Variants in SYT14 observed in about 807,000 individuals in gnomAD.
SYT14 encodes the protein synaptotagmin-14.
In SYT14, 32 loss-of-function variants were observed where a neutral mutation model predicts 74.2. The ratio of observed to expected loss-of-function variants is 0.43; its 90% CI spans 0.33 to 0.58. The LOEUF (loss-of-function observed/expected upper bound fraction) is 0.58. Among genes scored for constraint, SYT14 ranks in the 20% least tolerant of loss-of-function variants. The probability of loss-of-function intolerance (pLI) is 0.05; values close to 1 mark genes in which losing one functional copy is unlikely to be tolerated. For missense variants in SYT14, 791 were observed against 981.8 expected (o/e 0.81, Z 2.60); for synonymous variants, 298 against 337.7 (o/e 0.88, Z 1.29).
At chr1:210,055,897 T>C (rs1199539145) in intron 5 of SYT14, among the ~76,000 whole-genome samples, 1 of 152,186 alleles carries the variant, frequency 6.6e-6, no homozygotes, top group East Asian at 1.9e-4. Context: ...AGTTCACCTT[T>C]AACCATTTAG....
At chr1:210,078,653 C>A (rs964818135) in intron 5 of SYT14, among the ~76,000 whole-genome samples, 5 of 151,898 alleles carry the variant, frequency 3.3e-5, no homozygotes, top group African/African-American at 1.2e-4. Flanking sequence ...ACAAAAAAGT[C>A]ATGAAAACAT....
At chr1:210,037,744 T>C (rs996406787) in intron 5 of SYT14, among the ~76,000 whole-genome samples, 2 of 152,090 alleles carry the variant, frequency 1.3e-5, no homozygotes, top group African/African-American at 4.8e-5. Flanking sequence ...TTGTATAGTT[T>C]TGAGCATTCC....
At chr1:210,004,348 T>C (rs2079952837) in intron 2 of SYT14, among the ~76,000 whole-genome samples, 2 of 152,084 alleles carry the variant, frequency 1.3e-5, no homozygotes, top group Admixed American at 1.3e-4. Flanking sequence ...AATGAACATA[T>C]TCTCAATTCC....
chr1:210,005,881 T>C (rs1017944370), intron 2 of SYT14, among the ~76,000 whole-genome samples: 2 of 151,944 alleles, frequency 1.3e-5, no homozygotes, highest in African/African-American at 4.8e-5. Context: ...GGTTTTCTTT[T>C]TTTTCTAATT....
chr1:210,112,802 C>T (rs2082288505), intron 7 of SYT14, among the ~76,000 whole-genome samples: 1 of 151,206 alleles, frequency 6.6e-6, no homozygotes, highest in Non-Finnish European at 1.5e-5. Flanking sequence ...TATATAACAG[C>T]ATGGTGGTGC....
At chr1:210,103,614 TGCATGATAG>T (rs2082110772) in intron 7 of SYT14, among the ~76,000 whole-genome samples, 1 of 150,570 alleles carries the variant, frequency 6.6e-6, no homozygotes, top group Non-Finnish European at 1.5e-5. Context: ...TCTTGATCAA[TGCATGATAG>T]AAAATATACT....
intron 7 of SYT14, among the ~76,000 whole-genome samples, chr1:210,138,668 C>G (rs1186108879): frequency 1.3e-5 from 2 of 152,066 alleles, no homozygotes; most frequent in African/African-American, 4.8e-5. Flanking sequence ...ACTGCTTTTT[C>G]TATATTTAAA....
At chr1:210,156,234 A>G (rs1456738791) in intron 8 of SYT14, among the ~76,000 whole-genome samples, 4 of 152,246 alleles carry the variant, frequency 2.6e-5, no homozygotes, top group South Asian at 2.1e-4. Flanking sequence ...ATGAACAGGA[A>G]TGTATATAGC....
intron 7 of SYT14, among the ~76,000 whole-genome samples, chr1:210,142,443 C>A (rs569531589): frequency 6.6e-6 from 1 of 152,104 alleles, no homozygotes; most frequent in Non-Finnish European, 1.5e-5. Flanking sequence ...GAGGAGCAGA[C>A]TTTCAGAGGT....
At chr1:210,155,667 C>G in intron 7 of SYT14, 54 bp from the exon 7 acceptor site, 1 of 1,567,024 alleles carries the variant, frequency 6.4e-7, no homozygotes, top group Non-Finnish European at 8.8e-7. Flanking sequence ...AACAATATAT[C>G]TCTTAATATA....
At chr1:210,070,587 T>G (rs1372315956) in intron 5 of SYT14, among the ~76,000 whole-genome samples, 2 of 152,136 alleles carry the variant, frequency 1.3e-5, no homozygotes, top group African/African-American at 4.8e-5. Flanking sequence ...AATTAGGCTT[T>G]CTTCTCAAGG....
intron 7 of SYT14, among the ~76,000 whole-genome samples, chr1:210,126,268 C>T (rs1444645113): frequency 6.6e-6 from 1 of 151,426 alleles, no homozygotes; most frequent in Non-Finnish European, 1.5e-5. Context: ...CTTCCGTGTA[C>T]TGGGTGCAAT....
chr1:210,049,826 G>A (rs1054231123), intron 5 of SYT14, among the ~76,000 whole-genome samples: 9 of 152,130 alleles, frequency 5.9e-5, no homozygotes, highest in South Asian at 2.1e-4. Context: ...TTTCAGCCAC[G>A]GATGGAGCAG....
In SYT14 at chr1:209,938,294, A is replaced by G. The variant is rs1330503214; in HGVS notation, c.-534+17A>G. 3 of 1,553,984 alleles carry G rather than the reference A, an allele frequency of 1.9e-6. No homozygotes were observed. The highest frequency in any genetic ancestry group is 2.6e-6 in the Non-Finnish European group (3 of 1,146,252). ...CGATTGAAGGTAAGTGGAGGCTGAC[A>G]GCGGGGAGCGAGGACCGGGACCACC... On this transcript the variant is annotated intron_variant, in intron 1 of 9. Transcript: ENST00000637265.
At chr1:210,113,061 C>T (rs1022423765) in intron 7 of SYT14, among the ~76,000 whole-genome samples, 3 of 151,420 alleles carry the variant, frequency 2.0e-5, no homozygotes, top group Non-Finnish European at 2.9e-5. Context: ...CCGCCGCACG[C>T]AGACATGAGA....
intron 2 of SYT14, among the ~76,000 whole-genome samples, chr1:209,970,767 C>T (rs1415826668): frequency 2.1e-5 from 3 of 142,376 alleles, no homozygotes; most frequent in Admixed American, 7.6e-5. Context: ...CTGCAACCTC[C>T]GCCTCCCAGG....
At chr1:210,164,899 A>G (rs2083440041) in exon 10 of SYT14, 1 of 152,128 alleles carries the variant, frequency 6.6e-6, no homozygotes, top group Non-Finnish European at 1.5e-5. Flanking sequence ...ATTGTCAACC[A>G]TATTTAATAT....
intron 5 of SYT14, among the ~76,000 whole-genome samples, chr1:210,083,508 G>T (rs946768946): frequency 1.6e-4 from 24 of 152,070 alleles, no homozygotes; most frequent in Non-Finnish European, 3.2e-4. Flanking sequence ...AATCTCCTGG[G>T]CTCAAACGAT....
chr1:209,978,082 G>A (rs1304317625), intron 2 of SYT14, among the ~76,000 whole-genome samples: 1 of 151,918 alleles, frequency 6.6e-6, no homozygotes, highest in East Asian at 1.9e-4. Flanking sequence ...CTCTTTGCAT[G>A]GGTTATTCTA....
Sources: gnomAD v4.1 joint callset for allele counts (sites outside exome capture counted in the v4.1 genomes callset) on GRCh38, gnomAD v4.1.1 for gene constraint, MANE v1.5 for transcripts, NCBI Gene and HGNC (gene_info 2026-07-23, HGNC 2026-07-21) for gene names.